The following LAMC1 variants were observed in gnomAD, a reference collection of about 807,000 sequenced individuals.
LAMC1 encodes the protein laminin subunit gamma-1.
In LAMC1, 38 loss-of-function variants were observed where a neutral mutation model predicts 173.6. That is an observed-to-expected ratio of 0.22 (90% CI 0.17 to 0.29). The LOEUF is 0.29. LAMC1 is among the 10% of genes least tolerant of loss of function. LAMC1 has a pLI of 1.00. For synonymous variants in LAMC1, 746 were observed against 749.1 expected (o/e 1.00, Z 0.07); for missense variants, 1,824 against 2,051.8 (o/e 0.89, Z 2.14).
chr1:183,121,939 A>G lies in LAMC1; in HGVS notation c.2207A>G (p.Glu736Gly). ...GGACACAGCGAGACCTGTGATCCTG[A>G]GACAGGTGAGATGATCTTTGGCAGC... ...CNGHSETCDPETGVCNCRDNT... is the reference protein window; with the variant it reads ...CNGHSETCDPGTGVCNCRDNT... Residue 736 changes from glutamate (E) to glycine (G), a missense_variant, in exon 12 of 28, where the codon GAG (glutamate) becomes GGG (glycine). Transcript: ENST00000258341. 6.2e-7 allele frequency: 1 copy of G among 1,613,664 alleles called. No individual in the cohort carries two copies. The highest frequency in any genetic ancestry group is 8.5e-7 in the Non-Finnish European group (1 of 1,179,566).
chr1:183,074,436 A>T (rs1027093519), intron 1 of LAMC1, among the ~76,000 whole-genome samples: 8 of 152,204 alleles, frequency 5.3e-5, no homozygotes, highest in Non-Finnish European at 1.0e-4. Flanking sequence ...AAAAGCAATA[A>T]AGCCACTTAG....
intron 1 of LAMC1, among the ~76,000 whole-genome samples, chr1:183,055,647 A>G (rs1375506519): frequency 6.6e-6 from 1 of 151,968 alleles, no homozygotes; most frequent in African/African-American, 2.4e-5. Flanking sequence ...CCCCATCTGT[A>G]CTAAAAATAC....
intron 1 of LAMC1, among the ~76,000 whole-genome samples, chr1:183,082,794 G>A (rs185152078): frequency 2.0e-5 from 3 of 152,304 alleles, no homozygotes; most frequent in Admixed American, 2.0e-4. Context: ...CAACCGTATG[G>A]CAACCATATC....
intron 11 of LAMC1, among the ~76,000 whole-genome samples, chr1:183,118,732 A>AG (rs1331939413): frequency 1.3e-5 from 2 of 151,986 alleles, no homozygotes; most frequent in Non-Finnish European, 2.9e-5. Flanking sequence ...CAGAAAAAAA[A>AG]AAAAAATCTG....
At chr1:183,062,010 C>T (rs920083379) in intron 1 of LAMC1, among the ~76,000 whole-genome samples, 2 of 152,222 alleles carry the variant, frequency 1.3e-5, no homozygotes, top group African/African-American at 4.8e-5. Flanking sequence ...TTGCATACAG[C>T]AGTTCTCAGA....
Position 183,023,699 on chromosome 1 carries a change from C to T in LAMC1, c.-18C>T, listed in dbSNP as rs1411172788. The T allele has an allele frequency of 3.4e-6, 4 of 1,172,092 alleles. No individual in the cohort carries two copies. The highest frequency in any genetic ancestry group is 4.3e-5 in the South Asian group (1 of 23,484). The allele number at this position is 1,172,092 out of a possible 1,614,324, so 72.6% of individuals were successfully genotyped here. On this transcript the variant is annotated 5_prime_UTR_variant, in exon 1 of 28. Coordinates refer to ENST00000258341, the MANE Select transcript of LAMC1 (RefSeq NM_002293.4). Reference sequence around the variant, plus strand: ...CGGTGCCCTTGCCTTCGCCGTGACCCAGCGTGCGGGCGGCGGGATGAGAGG... The same window carrying T: ...CGGTGCCCTTGCCTTCGCCGTGACCTAGCGTGCGGGCGGCGGGATGAGAGG...
At chr1:183,043,194 G>A (rs1391357220) in intron 1 of LAMC1, among the ~76,000 whole-genome samples, 1 of 152,094 alleles carries the variant, frequency 6.6e-6, no homozygotes. Flanking sequence ...AGTAGATTTA[G>A]GAAGATGGGT....
intron 1 of LAMC1, among the ~76,000 whole-genome samples, chr1:183,058,202 A>G (rs182200051): frequency 6.6e-5 from 10 of 152,326 alleles, no homozygotes; most frequent in African/African-American, 2.2e-4. Context: ...TAAGGATTTT[A>G]TCTTAAGCCT....
In LAMC1 at chr1:183,122,131, G is replaced by T; in HGVS notation, c.2281G>T (p.Asp761Tyr). ...CEKCSDGYYG[D>Y]STAGTSSDCQ... The stretch of plus-strand genomic sequence containing the variant: ...GAAGTGCAGTGATGGGTACTATGGA[G>T]ATTCAACTGCAGGCACCTCCTCCGA... Residue 761 changes from aspartate to tyrosine, a missense_variant, in exon 13 of 28, where the codon GAT (aspartate) becomes TAT (tyrosine). Coordinates refer to ENST00000258341, the MANE Select transcript of LAMC1 (RefSeq NM_002293.4). 3 of 1,614,228 alleles carry T rather than the reference G, an allele frequency of 1.9e-6. No individual in the cohort carries two copies. The highest frequency in any genetic ancestry group is 2.5e-6 in the Non-Finnish European group (3 of 1,180,026).
chr1:183,096,639 G>A (rs1039000948), intron 1 of LAMC1: 1 of 152,132 alleles, frequency 6.6e-6, no homozygotes, highest in African/African-American at 2.4e-5. Context: ...CATTGCATTT[G>A]TTGTCATAAA....
intron 1 of LAMC1, among the ~76,000 whole-genome samples, chr1:183,075,587 T>C (rs1356994424): frequency 6.6e-6 from 1 of 152,202 alleles, no homozygotes; most frequent in Non-Finnish European, 1.5e-5. Context: ...TATAGTAATA[T>C]ATGTATTACA....
intron 2 of LAMC1, among the ~76,000 whole-genome samples, chr1:183,104,853 T>G (rs867373668): frequency 6.6e-6 from 1 of 152,030 alleles, no homozygotes; most frequent in African/African-American, 2.4e-5. Flanking sequence ...AAAAAGTGTT[T>G]CTTGCAATGG....
chr1:183,049,629 C>T (rs1453977780), intron 1 of LAMC1, among the ~76,000 whole-genome samples: 1 of 151,744 alleles, frequency 6.6e-6, no homozygotes, highest in Non-Finnish European at 1.5e-5. Flanking sequence ...ATGCCCAGCT[C>T]ATTTTTGTAA....
intron 1 of LAMC1, among the ~76,000 whole-genome samples, chr1:183,087,960 T>C (rs998993269): frequency 6.6e-6 from 1 of 151,882 alleles, no homozygotes; most frequent in Non-Finnish European, 1.5e-5. Context: ...ATTACAGGCA[T>C]GCCTCACCAT....
intron 13 of LAMC1, among the ~76,000 whole-genome samples, chr1:183,123,532 C>A (rs1656538989): frequency 6.6e-6 from 1 of 152,166 alleles, no homozygotes; most frequent in Non-Finnish European, 1.5e-5. Context: ...CTGAAACTTT[C>A]TTCCCTTGGA....
At chr1:183,063,150 A>G (rs912461590) in intron 1 of LAMC1, among the ~76,000 whole-genome samples, 1 of 152,166 alleles carries the variant, frequency 6.6e-6, no homozygotes, top group Non-Finnish European at 1.5e-5. Context: ...TGAACAGTCA[A>G]AAAAGGCTGT....
chr1:183,042,656 G>C (rs1219775102), intron 1 of LAMC1, among the ~76,000 whole-genome samples: 1 of 152,176 alleles, frequency 6.6e-6, no homozygotes, highest in Non-Finnish European at 1.5e-5. Context: ...TAGGGACCAC[G>C]CTCACTGTGG....
rs747385590 is a variant in LAMC1 at position 183,130,443 on chromosome 1, C to T, written c.3380C>T (p.Thr1127Ile). Residue 1127 changes from threonine (T) to isoleucine (I), a missense_variant, in exon 19 of 28, where the codon ACT becomes ATT. Thr to Ile is a moderately conservative substitution (Grantham distance 89). Coordinates refer to ENST00000258341, the MANE Select transcript of LAMC1 (RefSeq NM_002293.4). ...LQNIRNTIEETGNLAEQARAH... is the reference protein window; with the variant it reads ...LQNIRNTIEEIGNLAEQARAH... ...AATATCCGGAATACCATTGAAGAGACTGGAAACTTGGCTGAACAAGCGCGT... is the reference window on the plus strand; with the variant it reads ...AATATCCGGAATACCATTGAAGAGATTGGAAACTTGGCTGAACAAGCGCGT... The T allele has an allele frequency of 6.2e-7, 1 of 1,614,170 alleles. No homozygotes were observed. The highest frequency in any genetic ancestry group is 2.2e-5 in the East Asian group (1 of 44,886).
chr1:183,097,664 T>A (rs147801549), intron 1 of LAMC1, among the ~76,000 whole-genome samples: 1 of 152,156 alleles, frequency 6.6e-6, no homozygotes, highest in Non-Finnish European at 1.5e-5. Context: ...TACTTTACCA[T>A]GTAGGAGGCT....
Sources: allele counts gnomAD v4.1 joint callset (sites outside exome capture counted in the v4.1 genomes callset), GRCh38; gene constraint gnomAD v4.1.1; transcripts MANE v1.5; gene names NCBI Gene and HGNC (gene_info 2026-07-23, HGNC 2026-07-21).